The following NKX3-2 variants were observed in gnomAD, a reference collection of about 807,000 sequenced individuals.
NKX3-2 encodes the protein homeobox protein Nkx-3.2.
In NKX3-2, 13 loss-of-function variants were observed where a neutral mutation model predicts 19.4. That is an observed-to-expected ratio of 0.67 (90% CI 0.44 to 1.07). The LOEUF (loss-of-function observed/expected upper bound fraction) is 1.07, where lower values mean the gene tolerates loss of function less well. Among genes scored for constraint, NKX3-2 ranks in the 50% least tolerant of loss-of-function variants. The pLI, the probability that NKX3-2 is intolerant of heterozygous loss-of-function variation, is 0.00. For synonymous variants in NKX3-2, 269 were observed against 230.5 expected (o/e 1.17, Z -1.51); for missense variants, 562 against 488.2 (o/e 1.15, Z -1.42).
At position 13,542,173 on chromosome 4, in the gene NKX3-2, C is replaced by T. The variant is rs1279913294; in HGVS notation, c.822G>A (p.Ala274=). 1 of 1,607,514 alleles carries T rather than the reference C, an allele frequency of 6.2e-7. No homozygotes were observed. The highest frequency in any genetic ancestry group is 8.5e-7 in the Non-Finnish European group (1 of 1,177,360). The part of the protein sequence containing the change: ...RQMAADLLAS[A]PAAKKVAVKV... The stretch of plus-strand genomic sequence containing the variant: ...TTACGGCCACCTTCTTGGCGGCGGG[C>T]GCCGAGGCCAGCAGGTCGGCTGCCA... The change falls in exon 2 of 2, where the codon GCG becomes GCA. Residue 274 remains alanine, a synonymous_variant. Transcript: ENST00000382438. The surrounding 1 kb of genome is among the most constrained non-coding windows in gnomAD (Gnocchi z 6.4).
At position 13,541,843 on chromosome 4, in the gene NKX3-2, G is replaced by C; in HGVS notation, c.*150C>G. 2 of 1,247,178 alleles carry C rather than the reference G, an allele frequency of 1.6e-6. No individual in the cohort carries two copies. The highest frequency in any genetic ancestry group is 2.2e-6 in the Non-Finnish European group (2 of 905,040). The allele number at this position is 1,247,178 out of a possible 1,614,324, so 77.3% of individuals were successfully genotyped here. A position where few individuals can be genotyped will look rare whatever the true frequency, so the allele number is the denominator to read the frequency against. ...GGGCAGACTCAGCCCAGCTGCCAGGGGACAAGTCCTGGCTAACGGGAGCTG... is the reference window on the plus strand; with the variant it reads ...GGGCAGACTCAGCCCAGCTGCCAGGCGACAAGTCCTGGCTAACGGGAGCTG... On this transcript the variant is annotated 3_prime_UTR_variant, in exon 2 of 2. Transcript: ENST00000382438.
Position 13,542,187 on chromosome 4 carries a change from G to C in NKX3-2, c.808C>G (p.Leu270Val), listed in dbSNP as rs771207509. ...TTGGCGGCGGGCGCCGAGGCCAGCA[G>C]GTCGGCTGCCATCTGCCGGCGCTTT... ...KTKRRQMAADLLASAPAAKKV... is the reference protein window; with the variant it reads ...KTKRRQMAADVLASAPAAKKV... Residue 270 changes from leucine to valine, a missense_variant, in exon 2 of 2, where the codon CTG becomes GTG. Transcript: ENST00000382438. The surrounding 1 kb of genome is among the most constrained non-coding windows in gnomAD (Gnocchi z 6.4). The C allele has an allele frequency of 1.9e-6, 3 of 1,609,210 alleles. No individual in the cohort carries two copies. The highest frequency in any genetic ancestry group is 2.5e-6 in the Non-Finnish European group (3 of 1,178,202).
chr4:13,544,339 C>A lies in NKX3-2; in HGVS notation c.76G>T (p.Gly26Trp), dbSNP rs1337519419. The A allele has an allele frequency of 1.3e-6, 2 of 1,533,556 alleles. No individual in the cohort carries two copies. Among genetic ancestry groups the A allele is most frequent in the South Asian group, 1.2e-5 (1 of 83,312 alleles). 95.0% of individuals were successfully genotyped at this position (1,533,556 alleles called of 1,614,324 possible). A position where few individuals can be genotyped will look rare whatever the true frequency, so the allele number is the denominator to read the frequency against. Residue 26 changes from glycine to tryptophan, a missense_variant, in exon 1 of 2, where the codon GGG becomes TGG. Physicochemically the swap from Gly to Trp is radical, Grantham distance 184 (BLOSUM62 -2). Transcript: ENST00000382438. ...GGGCGCCCCTCTGGCGCGGCCAGCC[C>A]GCCGCGCTCCTCTTTCTTGTTGAGG... ...AILNKKEERG[G>W]LAAPEGRPAP... is the part of the protein sequence containing the mutation.
In NKX3-2 at chr4:13,542,248, C is replaced by T; in HGVS notation, c.747G>A (p.Gln249=). Residue 249 remains glutamine, a synonymous_variant, in exon 2 of 2, where the codon CAG becomes CAA. Transcript: ENST00000382438. The surrounding 1 kb of genome is among the most constrained non-coding windows in gnomAD (Gnocchi z 6.4). The part of the protein sequence containing the change: ...LAASLKLTET[Q]VKIWFQNRRY... ...GACGGTTCTGGAACCAGATTTTCAC[C>T]TGCGTCTCGGTGAGCTTCAGCGACG... The T allele has an allele frequency of 6.2e-7, 1 of 1,611,840 alleles. No individual in the cohort carries two copies. The highest frequency in any genetic ancestry group is 8.5e-7 in the Non-Finnish European group (1 of 1,179,466).
At position 13,542,254 on chromosome 4, in the gene NKX3-2, C is replaced by T. The variant is rs556219537; in HGVS notation, c.741G>A (p.Glu247=). 1 of 1,611,690 alleles carries T rather than the reference C, an allele frequency of 6.2e-7. No homozygotes were observed. ...ADLAASLKLT[E]TQVKIWFQNR... ...TCTGGAACCAGATTTTCACCTGCGTCTCGGTGAGCTTCAGCGACGCGGCCA... is the reference window on the plus strand; with the variant it reads ...TCTGGAACCAGATTTTCACCTGCGTTTCGGTGAGCTTCAGCGACGCGGCCA... The change falls in exon 2 of 2, where the codon GAG becomes GAA. Residue 247 remains glutamate, a synonymous_variant. Transcript: ENST00000382438. This position sits in a 1 kb window ranked among gnomAD's most constrained non-coding sequence, Gnocchi z 6.4.
chr4:13,542,190 C>T lies in NKX3-2; in HGVS notation c.805G>A (p.Asp269Asn), dbSNP rs777003684. Residue 269 changes from aspartate (D) to asparagine (N), a missense_variant, in exon 2 of 2, where the codon GAC becomes AAC. By Grantham distance (23) the Asp-to-Asn change is conservative. Coordinates refer to ENST00000382438, the MANE Select transcript of NKX3-2 (RefSeq NM_001189.4). This position sits in a 1 kb window ranked among gnomAD's most constrained non-coding sequence, Gnocchi z 6.4. ...YKTKRRQMAA[D>N]LLASAPAAKK... The stretch of plus-strand genomic sequence containing the variant: ...GCGGCGGGCGCCGAGGCCAGCAGGT[C>T]GGCTGCCATCTGCCGGCGCTTTGTC... The T allele has an allele frequency of 3.1e-6, 5 of 1,609,178 alleles. No homozygotes were observed. Among genetic ancestry groups the T allele is most frequent in the South Asian group, 2.2e-5 (2 of 90,390 alleles).
chr4:13,544,541 G>A (rs1216159310), upstream of NKX3-2: 4 of 502,332 alleles, frequency 8.0e-6, no homozygotes, highest in Non-Finnish European at 1.2e-5. Context: ...GCCGCCCACT[G>A]CTGCGCGGCC....
At chr4:13,544,997 T>G (rs553364415), upstream of NKX3-2, 10 of 152,176 alleles carry the variant, frequency 6.6e-5, no homozygotes, top group African/African-American at 2.2e-4. Flanking sequence ...CCTGGTTTTA[T>G]CTGTTTCTTT....
rs1160567753 is a variant in NKX3-2 at position 13,541,529 on chromosome 4, T to A, written c.*464A>T. ...TGGTTACAAATGCAATTTCCAAAAATAAAAGATATGTAGATACACATAGAT... is the reference window on the plus strand; with the variant it reads ...TGGTTACAAATGCAATTTCCAAAAAAAAAAGATATGTAGATACACATAGAT... On this transcript the variant is annotated 3_prime_UTR_variant, in exon 2 of 2. Transcript: ENST00000382438. 3 of 155,504 alleles carry A rather than the reference T, an allele frequency of 1.9e-5. No homozygotes were observed. Among genetic ancestry groups the A allele is most frequent in the Non-Finnish European group, 4.3e-5 (3 of 70,566 alleles). 9.6% of individuals were successfully genotyped at this position (155,504 alleles called of 1,614,324 possible). A position where few individuals can be genotyped will look rare whatever the true frequency, so the allele number is the denominator to read the frequency against.
In NKX3-2 at chr4:13,540,908, G is replaced by A. The variant is rs1462540329; in HGVS notation, c.*1085C>T. 2 of 152,160 alleles carry A rather than the reference G, an allele frequency of 1.3e-5. No individual in the cohort carries two copies. The highest frequency in any genetic ancestry group is 2.9e-5 in the Non-Finnish European group (2 of 68,036). The allele number at this position is 152,160 out of a possible 1,614,324, so 9.4% of individuals were successfully genotyped here. ...TCCAAACTTCACAAATCTTTTTACA[G>A]TTAATACTCTAGTTGAGTGCACAGT... On this transcript the variant is annotated 3_prime_UTR_variant, in exon 2 of 2. Transcript: ENST00000382438.
chr4:13,541,779 A>G lies in NKX3-2; in HGVS notation c.*214T>C. On this transcript the variant is annotated 3_prime_UTR_variant, in exon 2 of 2. Coordinates refer to ENST00000382438, the MANE Select transcript of NKX3-2 (RefSeq NM_001189.4). The stretch of plus-strand genomic sequence containing the variant: ...TGGGCGATCAGGGCCCCTAGGCCAT[A>G]GGGTGCCTCTGTTCAAATTAGAAAA... The G allele has an allele frequency of 1.6e-6, 1 of 614,540 alleles. No individual in the cohort carries two copies. The highest frequency in any genetic ancestry group is 2.7e-6 in the Non-Finnish European group (1 of 366,770). 38.1% of individuals were successfully genotyped at this position (614,540 alleles called of 1,614,324 possible).
upstream of NKX3-2, chr4:13,547,301 T>C (rs1297109361): frequency 4.4e-6 from 2 of 451,336 alleles, no homozygotes; most frequent in South Asian, 3.1e-5. Flanking sequence ...CGTGCCTGGG[T>C]CCCGCTTCCT....
rs1450660604 is a variant in NKX3-2 at position 13,541,738 on chromosome 4, G to A, written c.*255C>T. 3 of 492,880 alleles carry A rather than the reference G, an allele frequency of 6.1e-6. No individual in the cohort carries two copies. Among genetic ancestry groups the A allele is most frequent in the Non-Finnish European group, 1.1e-5 (3 of 278,800 alleles). 30.5% of individuals were successfully genotyped at this position (492,880 alleles called of 1,614,324 possible). On this transcript the variant is annotated 3_prime_UTR_variant, in exon 2 of 2. Coordinates refer to ENST00000382438, the MANE Select transcript of NKX3-2 (RefSeq NM_001189.4). ...TTGTCATGATAATAAATAGAGCCCA[G>A]GGGCTTCCAGGCAGGTGGGCGATCA... is the stretch of plus-strand genomic sequence containing the variant.
Position 13,542,162 on chromosome 4 carries a change from T to C in NKX3-2, c.833A>G (p.Lys278Arg), listed in dbSNP as rs1256921232. 10 of 1,611,366 alleles carry C rather than the reference T, an allele frequency of 6.2e-6. No homozygotes were observed. The highest frequency in any genetic ancestry group is 1.3e-5 in the African/African-American group (1 of 74,900). Residue 278 changes from lysine (K) to arginine (R), a missense_variant, in exon 2 of 2, where the codon AAG (lysine) becomes AGG (arginine). Lys to Arg is a conservative substitution (Grantham distance 26). Transcript: ENST00000382438. The surrounding 1 kb of genome is among the most constrained non-coding windows in gnomAD (Gnocchi z 6.4). ...CACCAGCACCTTTACGGCCACCTTC[T>C]TGGCGGCGGGCGCCGAGGCCAGCAG... ...ADLLASAPAA[K>R]KVAVKVLVRD...
In NKX3-2 at chr4:13,542,400, G is replaced by GCTCCTC; in HGVS notation, c.589_594dup (p.Glu197_Glu198dup). ...TTCTTGCGTGGCTTGGGCGCCGCCGGCTCCTCCTCCTCCTCCGCGACGCCT... is the reference window on the plus strand; with the variant it reads ...TTCTTGCGTGGCTTGGGCGCCGCCGGCTCCTCCTCCTCCTCCTCCTCCGCGACGCCT... On this transcript the variant is annotated inframe_insertion, in exon 2 of 2. Transcript: ENST00000382438. The surrounding 1 kb of genome is among the most constrained non-coding windows in gnomAD (Gnocchi z 6.4). The GCTCCTC allele has an allele frequency of 2.6e-6, 4 of 1,511,460 alleles. No homozygotes were observed. Among genetic ancestry groups the GCTCCTC allele is most frequent in the Non-Finnish European group, 3.5e-6 (4 of 1,137,200 alleles). The allele number at this position is 1,511,460 out of a possible 1,614,324, so 93.6% of individuals were successfully genotyped here.
In NKX3-2 at chr4:13,544,157, C is replaced by G; in HGVS notation, c.258G>C (p.Glu86Asp). 1 of 1,605,628 alleles carries G rather than the reference C, an allele frequency of 6.2e-7. No individual in the cohort carries two copies. Among genetic ancestry groups the G allele is most frequent in the Non-Finnish European group, 8.5e-7 (1 of 1,178,856 alleles). Residue 86 changes from glutamate (E) to aspartate (D), a missense_variant, in exon 1 of 2, where the codon GAG (glutamate) becomes GAC (aspartate). By Grantham distance (45) the Glu-to-Asp change is conservative. Transcript: ENST00000382438. ...GTRTAAGRTAESPEGWDSDSA... is the reference protein window; with the variant it reads ...GTRTAAGRTADSPEGWDSDSA... Reference sequence around the variant, plus strand: ...AGTCCGAGTCCCAGCCTTCCGGGCTCTCCGCAGTCCGCCCCGCAGCTGTTC... The same window carrying G: ...AGTCCGAGTCCCAGCCTTCCGGGCTGTCCGCAGTCCGCCCCGCAGCTGTTC...
upstream of NKX3-2, chr4:13,547,608 C>T (rs992262577): frequency 1.3e-4 from 23 of 180,406 alleles, no homozygotes; most frequent in Non-Finnish European, 1.7e-4. Flanking sequence ...CTCCCTCCTC[C>T]TGCTTCTCCT....
upstream of NKX3-2, chr4:13,547,448 G>A (rs1409546028): frequency 6.4e-6 from 2 of 311,902 alleles, no homozygotes; most frequent in South Asian, 2.5e-5. Context: ...GGCCGGTGAG[G>A]CTTTCGAGAG....
At chr4:13,545,612 G>C (rs1217776174), upstream of NKX3-2, among the ~76,000 whole-genome samples, 1 of 152,094 alleles carries the variant, frequency 6.6e-6, no homozygotes, top group East Asian at 1.9e-4. Context: ...GGTATAGTTA[G>C]AACTAAAGTC....
Sources: gnomAD v4.1 joint callset for allele counts (sites outside exome capture counted in the v4.1 genomes callset) on GRCh38, gnomAD v4.1.1 for gene constraint, Gnocchi (gnomAD v3.1) non-coding constraint, MANE v1.5 for transcripts, NCBI Gene and HGNC (gene_info 2026-07-23, HGNC 2026-07-21) for gene names.